Variants in KPNB1 observed in about 807,000 individuals in gnomAD.
KPNB1 encodes karyopherin subunit beta 1.
In KPNB1, 7 loss-of-function variants were observed where a neutral mutation model predicts 113.0. The observed-to-expected ratio is 0.06, with a 90% CI of 0.04 to 0.12. The LOEUF (loss-of-function observed/expected upper bound fraction) is 0.12, where lower values mean the gene tolerates loss of function less well. Ranked by LOEUF, KPNB1 falls within the 10% of genes least tolerant of loss-of-function variation. KPNB1 has a pLI of 1.00. For synonymous variants in KPNB1, 363 were observed against 378.6 expected, an observed-to-expected ratio of 0.96 and a Z score of 0.48; for missense variants, 400 against 1,054.8, an observed-to-expected ratio of 0.38 and a Z score of 8.60.
chr17:47,659,037 A>T (rs965616389), intron 5 of KPNB1, among the ~76,000 whole-genome samples: 4 of 152,082 alleles, frequency 2.6e-5, no homozygotes, highest in African/African-American at 7.2e-5. Flanking sequence ...ACAAAGTCAG[A>T]TATCGTCCCT....
Position 47,652,753 on chromosome 17 carries a change from C to T in KPNB1, c.159C>T (p.Ala53=). 2 of 1,613,468 alleles carry T rather than the reference C, an allele frequency of 1.2e-6. No homozygotes were observed. The highest frequency in any genetic ancestry group is 1.7e-6 in the Non-Finnish European group (2 of 1,179,820). Reference sequence around the variant, plus strand: ...CAAATCCAGGAAACAGTCAGGTTGCCAGAGTTGCAGCTGGTCTACAAATCA... The same window carrying T: ...CAAATCCAGGAAACAGTCAGGTTGCTAGAGTTGCAGCTGGTCTACAAATCA... ...VLANPGNSQV[A]RVAAGLQIKN... Residue 53 remains alanine, a synonymous_variant, in exon 3 of 22, where the codon GCC becomes GCT. Transcript: ENST00000290158.
chr17:47,657,735 T>C (rs2029950783), intron 4 of KPNB1, among the ~76,000 whole-genome samples: 1 of 152,218 alleles, frequency 6.6e-6, no homozygotes, highest in African/African-American at 2.4e-5. Context: ...TATTACCTCA[T>C]ACCCAGAGTC....
intron 19 of KPNB1, 23 bp from the exon 20 acceptor site, chr17:47,679,997 A>G: frequency 1.9e-6 from 3 of 1,550,176 alleles, no homozygotes; most frequent in Non-Finnish European, 2.7e-6. Flanking sequence ...GCACCCGACC[A>G]ATACCTTCTC....
At position 47,658,734 on chromosome 17, in the gene KPNB1, GTTTTC is replaced by G. The variant is rs1261081539; in HGVS notation, c.636+77_636+81del. 2.7e-5 allele frequency: 36 copies of G among 1,329,194 alleles called. No homozygotes were observed. In the South Asian group the frequency reaches 4.4e-4, roughly 16 times the overall value. The allele number at this position is 1,329,194 out of a possible 1,614,324, so 82.3% of individuals were successfully genotyped here. A position where few individuals can be genotyped will look rare whatever the true frequency, so the allele number is the denominator to read the frequency against. ...GAGTTGAATGAAAGTTTTTTGTTTT[GTTTTC>G]TTAAGTTTATGGTTTAGAAAGTACC... is the stretch of plus-strand genomic sequence containing the variant. On this transcript the variant is annotated intron_variant, in intron 5 of 21. Transcript: ENST00000290158.
intron 14 of KPNB1, among the ~76,000 whole-genome samples, chr17:47,674,195 GATTTTATCAAGTTT>G (rs2030529953): frequency 1.3e-5 from 2 of 152,180 alleles, no homozygotes; most frequent in Admixed American, 6.5e-5. Flanking sequence ...AGGTTGGTTT[GATTTTATCAAGTTT>G]ATTTCTAGGT....
chr17:47,664,285 C>A lies in KPNB1; in HGVS notation c.897+16C>A, dbSNP rs186189850. 1 of 1,466,340 alleles carries A rather than the reference C, an allele frequency of 6.8e-7. No individual in the cohort carries two copies. The highest frequency in any genetic ancestry group is 9.6e-7 in the Non-Finnish European group (1 of 1,045,646). The allele number at this position is 1,466,340 out of a possible 1,614,324, so 90.8% of individuals were successfully genotyped here. ...AGCTTCAGAGGTGAGCTGGGGAGAA[C>A]TATTACTCTGAATACGCTTTGGGAC... On this transcript the variant is annotated intron_variant, in intron 8 of 21. Transcript: ENST00000290158.
chr17:47,674,332 G>C (rs1250030258), intron 14 of KPNB1, among the ~76,000 whole-genome samples: 1 of 152,206 alleles, frequency 6.6e-6, no homozygotes, highest in Non-Finnish European at 1.5e-5. Context: ...TATCATTCCA[G>C]TAAGACTGGA....
chr17:47,673,277 C>A, intron 13 of KPNB1, 112 bp downstream of exon 13: 1 of 1,132,690 alleles, frequency 8.8e-7, no homozygotes, highest in South Asian at 1.5e-5. Flanking sequence ...TATATTTTCT[C>A]AGAAAGATAA....
intron 5 of KPNB1, among the ~76,000 whole-genome samples, chr17:47,659,048 T>TA (rs1009553737): frequency 2.0e-5 from 3 of 151,578 alleles, no homozygotes; most frequent in Non-Finnish European, 2.9e-5. Context: ...TATCGTCCCT[T>TA]AAAAAAAAGA....
intron 2 of KPNB1, chr17:47,651,350 G>T (rs1915563480): frequency 2.0e-6 from 2 of 985,188 alleles, no homozygotes; most frequent in South Asian, 9.4e-5. Flanking sequence ...GGGAAGGATT[G>T]GATGATGCTT....
chr17:47,652,595 C>G (rs1443430847), intron 2 of KPNB1, 99 bp from the exon 3 acceptor site: 1 of 880,898 alleles, frequency 1.1e-6, no homozygotes, highest in African/African-American at 1.7e-5. Flanking sequence ...TTAGTTCCCC[C>G]CCTCGCCGCC....
At chr17:47,670,369 TAG>T (rs1230305409) in intron 11 of KPNB1, 6 of 239,080 alleles carry the variant, frequency 2.5e-5, no homozygotes, top group Admixed American at 4.9e-5. Context: ...CTCTGCTGCT[TAG>T]AGAGTTGTCA....
At chr17:47,675,974 T>C (rs558719850) in intron 15 of KPNB1, among the ~76,000 whole-genome samples, 34 of 152,344 alleles carry the variant, frequency 2.2e-4, no homozygotes, top group African/African-American at 7.9e-4. Flanking sequence ...AGTGCTGCTT[T>C]TCCTGGCTGT....
chr17:47,650,596 C>G, intron 2 of KPNB1, 152 bp downstream of exon 2: 2 of 736,722 alleles, frequency 2.7e-6, no homozygotes, highest in East Asian at 2.8e-5. Flanking sequence ...CCGGTCCAAC[C>G]TAACCCCGCC....
In KPNB1 at chr17:47,650,180, C is replaced by G. The variant is rs1375799844; in HGVS notation, c.-65C>G. 5 of 1,432,628 alleles carry G rather than the reference C, an allele frequency of 3.5e-6. No individual in the cohort carries two copies. The highest frequency in any genetic ancestry group is 3.6e-6 in the Non-Finnish European group (4 of 1,096,616). 88.7% of individuals were successfully genotyped at this position (1,432,628 alleles called of 1,614,324 possible). On this transcript the variant is annotated 5_prime_UTR_variant, in exon 1 of 22. Coordinates refer to ENST00000290158, the MANE Select transcript of KPNB1 (RefSeq NM_002265.6). Reference sequence around the variant, plus strand: ...CGACCCCCAACCCCCATCCCCAGTTCGAGCCGCCGCCCGAAAGGCCGGGCC... The same window carrying G: ...CGACCCCCAACCCCCATCCCCAGTTGGAGCCGCCGCCCGAAAGGCCGGGCC...
At chr17:47,673,885 C>T (rs1277568000) in intron 14 of KPNB1, 1 of 271,204 alleles carries the variant, frequency 3.7e-6, no homozygotes, top group Non-Finnish European at 7.1e-6. Context: ...CAACTAATGT[C>T]ACTGTGTAGA....
At chr17:47,665,404 C>G (rs944703734) in intron 9 of KPNB1, among the ~76,000 whole-genome samples, 2 of 152,184 alleles carry the variant, frequency 1.3e-5, no homozygotes, top group Non-Finnish European at 2.9e-5. Flanking sequence ...CTCTGATTTC[C>G]TGAGTGCTCC....
chr17:47,673,320 G>T, intron 13 of KPNB1, among the ~76,000 whole-genome samples, 155 bp downstream of exon 13: 2 of 152,244 alleles, frequency 1.3e-5, no homozygotes, highest in Middle Eastern at 6.8e-3. Flanking sequence ...GCACCTTAAC[G>T]TTAGCATTGT....
intron 14 of KPNB1, 195 bp downstream of exon 14, chr17:47,673,756 A>G (rs998495007): frequency 3.4e-6 from 2 of 583,392 alleles, no homozygotes; most frequent in African/African-American, 3.7e-5. Context: ...CTGTCTAGAA[A>G]GATTCAAATC....
Sources: allele counts gnomAD v4.1 joint callset (sites outside exome capture counted in the v4.1 genomes callset), GRCh38; gene constraint gnomAD v4.1.1; transcripts MANE v1.5; gene names NCBI Gene and HGNC (gene_info 2026-07-23, HGNC 2026-07-21).